The following MELK variants were observed in gnomAD, a reference collection of about 807,000 sequenced individuals.
MELK encodes the protein maternal embryonic leucine zipper kinase.
In MELK, 81 loss-of-function variants were observed where a neutral mutation model predicts 85.0. That is an observed-to-expected ratio of 0.95 (90% CI 0.80 to 1.15). The LOEUF (loss-of-function observed/expected upper bound fraction) is 1.15, where lower values mean the gene tolerates loss of function less well. Ranked by LOEUF, MELK falls within the 50% of genes most tolerant of loss-of-function variation. The pLI is 0.00. For missense variants in MELK, 754 were observed against 777.5 expected (o/e 0.97, Z 0.36); for synonymous variants, 252 against 265.0 (o/e 0.95, Z 0.48).
At chr9:36,640,424 C>T (rs751895352) in intron 10 of MELK, among the ~76,000 whole-genome samples, 1 of 151,782 alleles carries the variant, frequency 6.6e-6, no homozygotes, top group Non-Finnish European at 1.5e-5. Flanking sequence ...TCTGGAGCCT[C>T]TTTTCTTTCT....
rs188601262 is a variant in MELK at position 36,649,078 on chromosome 9, T to C, written c.922-2668T>C. ...TTTCATTCTTGACATAGGAATAAGA[T>C]GAATAAAAATGAACATTCCAAGAGA... On this transcript the variant is annotated intron_variant, in intron 11 of 17. Transcript: ENST00000298048. 2.1e-4 allele frequency among the ~76,000 whole-genome samples: 32 copies of C among 152,260 alleles called. No homozygotes were observed. In the East Asian group the frequency reaches 4.2e-3, roughly 20 times the overall value.
In MELK at chr9:36,643,036, G is replaced by A. The variant is rs775697597; in HGVS notation, c.874G>A (p.Val292Ile). ...LDDDCVTELSVHHRNNRQTME... is the reference protein window; with the variant it reads ...LDDDCVTELSIHHRNNRQTME... ...TGATGATTGCGTAACAGAACTTTCT[G>A]TACATCACAGAAACAACAGGCAAAC... The change falls in exon 11 of 18, where the codon GTA becomes ATA. Residue 292 changes from valine (V) to isoleucine (I), a missense_variant. Coordinates refer to ENST00000298048, the MANE Select transcript of MELK (RefSeq NM_014791.4). 1 of 1,612,582 alleles carries A rather than the reference G, an allele frequency of 6.2e-7. No individual in the cohort carries two copies. Among genetic ancestry groups the A allele is most frequent in the Non-Finnish European group, 8.5e-7 (1 of 1,179,482 alleles).
chr9:36,587,219 G>A (rs766146954), intron 3 of MELK, among the ~76,000 whole-genome samples: 6 of 152,002 alleles, frequency 3.9e-5, no homozygotes, highest in Non-Finnish European at 8.8e-5. Flanking sequence ...CCAAGATAGT[G>A]AAAGTTACAG....
At chr9:36,574,232 A>G (rs1006294955) in intron 1 of MELK, among the ~76,000 whole-genome samples, 2 of 152,010 alleles carry the variant, frequency 1.3e-5, no homozygotes, top group Non-Finnish European at 1.5e-5. Context: ...TGGTGCTCCC[A>G]GAAGCCTTTG....
At chr9:36,640,905 C>CT (rs1417830373) in intron 10 of MELK, among the ~76,000 whole-genome samples, 7 of 152,222 alleles carry the variant, frequency 4.6e-5, no homozygotes, top group Admixed American at 4.6e-4. Context: ...TTTACTGTTT[C>CT]TTTTCATGAT....
intron 8 of MELK, among the ~76,000 whole-genome samples, chr9:36,621,915 G>A (rs749492195): frequency 2.8e-4 from 43 of 152,090 alleles, no homozygotes; most frequent in Non-Finnish European, 5.0e-4. Flanking sequence ...TTAATCCTTT[G>A]AGGGAGAGAG....
intron 17 of MELK, among the ~76,000 whole-genome samples, chr9:36,676,101 A>G (rs969735641): frequency 6.6e-6 from 1 of 152,124 alleles, no homozygotes; most frequent in Admixed American, 6.5e-5. Context: ...AAATTGTTCT[A>G]TGCCTCATCT....
At chr9:36,647,024 A>C (rs1830270208) in intron 11 of MELK, among the ~76,000 whole-genome samples, 1 of 152,256 alleles carries the variant, frequency 6.6e-6, no homozygotes, top group African/African-American at 2.4e-5. Context: ...ACCTGAAAGC[A>C]TAACTAATGT....
chr9:36,670,631 TC>T (rs1832798436), intron 15 of MELK, among the ~76,000 whole-genome samples: 1 of 151,650 alleles, frequency 6.6e-6, no homozygotes, highest in South Asian at 2.1e-4. Flanking sequence ...TAATATATTA[TC>T]TATATCCAAA....
chr9:36,631,677 T>C (rs1828640073), intron 9 of MELK, among the ~76,000 whole-genome samples: 1 of 152,126 alleles, frequency 6.6e-6, no homozygotes, highest in African/African-American at 2.4e-5. Flanking sequence ...CAGGCTCAAG[T>C]GTTAGTTCTA....
At chr9:36,659,070 A>G (rs1378889786) in intron 13 of MELK, among the ~76,000 whole-genome samples, 2 of 151,930 alleles carry the variant, frequency 1.3e-5, no homozygotes, top group Non-Finnish European at 2.9e-5. Context: ...TTTAGTAGAG[A>G]TGGGGTTTCA....
At position 36,657,355 on chromosome 9, in the gene MELK, A is replaced by G. The variant is rs1290514305; in HGVS notation, c.1168A>G (p.Thr390Ala). 6.2e-7 allele frequency: 1 copy of G among 1,607,204 alleles called. No homozygotes were observed. Among genetic ancestry groups the G allele is most frequent in the Admixed American group, 1.7e-5 (1 of 57,878 alleles). ...ATCAACAGGTGCTGCTACTCCCCGA[A>G]CATCACAGGTTCGTCATTCTTATTA... The part of the protein sequence containing the change: ...DLSTGAATPR[T>A]SQFTKYWTES... Residue 390 changes from threonine to alanine, a missense_variant, in exon 13 of 18, where the codon ACA becomes GCA. Physicochemically the swap from Thr to Ala is moderately conservative, Grantham distance 58 (BLOSUM62 0). Coordinates refer to ENST00000298048, the MANE Select transcript of MELK (RefSeq NM_014791.4).
In MELK at chr9:36,641,602, ATTTT is replaced by A. The variant is rs59380521; in HGVS notation, c.835-1377_835-1374del. 5.3e-3 allele frequency among the ~76,000 whole-genome samples: 666 copies of A among 126,752 alleles called. 6 individuals are homozygous for A. The highest frequency in any genetic ancestry group is 0.019 in the African/African-American group (637 of 34,392). The allele number at this position is 126,752 out of a possible 152,430, so 83.2% of individuals were successfully genotyped here. A position where few individuals can be genotyped will look rare whatever the true frequency, so the allele number is the denominator to read the frequency against. ...CTCACTCGGGCTGCCATAAAGAGAG[ATTTT>A]TTTTTTTTTTTTTTTTTGGAGATGG... On this transcript the variant is annotated intron_variant, in intron 10 of 17. Transcript: ENST00000298048.
chr9:36,646,059 T>C (rs1362747464), intron 11 of MELK, among the ~76,000 whole-genome samples: 1 of 152,226 alleles, frequency 6.6e-6, no homozygotes, highest in African/African-American at 2.4e-5. Context: ...TTTGTGTATG[T>C]GTACTAATGC....
intron 8 of MELK, among the ~76,000 whole-genome samples, chr9:36,613,233 C>T (rs1000570428): frequency 6.6e-6 from 1 of 152,228 alleles, no homozygotes; most frequent in African/African-American, 2.4e-5. Flanking sequence ...TGTTCCCTCC[C>T]TTCTTTCAGG....
intron 14 of MELK, among the ~76,000 whole-genome samples, chr9:36,668,514 C>T (rs927394855): frequency 2.0e-5 from 3 of 151,860 alleles, no homozygotes; most frequent in Non-Finnish European, 4.4e-5. Flanking sequence ...TCAAAGCTTA[C>T]ATCTCTTTTT....
At position 36,606,553 on chromosome 9, in the gene MELK, GGTGTGTATATAATATATAATATATA is replaced by G. The variant is rs1564151925; in HGVS notation, c.568-1021_568-997del. On this transcript the variant is annotated intron_variant, in intron 7 of 17. Coordinates refer to ENST00000298048, the MANE Select transcript of MELK (RefSeq NM_014791.4). ...AATATATAATATATACATATGTATAGGTGTGTATATAATATATAATATATACATATGTATAGGTGTGTATATAATA... is the reference window on the plus strand; with the variant it reads ...AATATATAATATATACATATGTATAGCATATGTATAGGTGTGTATATAATA... 1.6e-4 allele frequency among the ~76,000 whole-genome samples: 23 copies of G among 141,308 alleles called. 1 individual carries two copies. Among genetic ancestry groups the G allele is most frequent in the Admixed American group, 5.1e-4 (7 of 13,670 alleles). The allele number at this position is 141,308 out of a possible 152,430, so 92.7% of individuals were successfully genotyped here. A position where few individuals can be genotyped will look rare whatever the true frequency, so the allele number is the denominator to read the frequency against.
At chr9:36,671,766 G>C (rs1832913478) in intron 16 of MELK, among the ~76,000 whole-genome samples, 1 of 152,144 alleles carries the variant, frequency 6.6e-6, no homozygotes, top group African/African-American at 2.4e-5. Flanking sequence ...TTGATATAAA[G>C]TACTTTTTAT....
At chr9:36,596,081 G>T (rs2135487181) in intron 5 of MELK, among the ~76,000 whole-genome samples, 1 of 152,302 alleles carries the variant, frequency 6.6e-6, no homozygotes, top group East Asian at 1.9e-4. Flanking sequence ...CTTCCAAAGT[G>T]CTGGGATTAC....
Sources: allele counts gnomAD v4.1 joint callset (sites outside exome capture counted in the v4.1 genomes callset), GRCh38; gene constraint gnomAD v4.1.1; transcripts MANE v1.5; gene names NCBI Gene and HGNC (gene_info 2026-07-23, HGNC 2026-07-21).